The following SLC2A13 variants were observed in gnomAD, a reference collection of about 807,000 sequenced individuals.
SLC2A13 encodes the protein proton myo-inositol cotransporter.
SLC2A13 carries 32 observed loss-of-function variants against 64.4 expected under a neutral mutation model. That is an observed-to-expected ratio of 0.50 (90% CI 0.37 to 0.67). The LOEUF (loss-of-function observed/expected upper bound fraction) is 0.67, where lower values mean the gene tolerates loss of function less well. SLC2A13 is among the 30% of genes least tolerant of loss of function. SLC2A13 has a pLI of 0.00. For missense variants in SLC2A13, 743 were observed against 829.2 expected (o/e 0.90, Z 1.28); for synonymous variants, 338 against 327.1 (o/e 1.03, Z -0.36).
chr12:39,841,537 C>T lies in SLC2A13; in HGVS notation c.1320-11309G>A, dbSNP rs187234808. 3.6e-3 allele frequency among the ~76,000 whole-genome samples: 553 copies of T among 151,992 alleles called. 3 individuals carry two copies. Among genetic ancestry groups the T allele is most frequent in the Non-Finnish European group, 4.9e-3 (333 of 67,950 alleles). ...TTGTAATTTTGCATGTGTAAGATAACATGTATATAAATGTATATCTATATA... is the reference window on the plus strand; with the variant it reads ...TTGTAATTTTGCATGTGTAAGATAATATGTATATAAATGTATATCTATATA... On this transcript the variant is annotated intron_variant, in intron 6 of 9. Coordinates refer to ENST00000280871, the MANE Select transcript of SLC2A13 (RefSeq NM_052885.4).
intron 7 of SLC2A13, among the ~76,000 whole-genome samples, chr12:39,783,881 A>C (rs2135747538): frequency 6.6e-6 from 1 of 152,330 alleles, no homozygotes; most frequent in East Asian, 1.9e-4. Flanking sequence ...GAAAAGTCTC[A>C]GGATACAAAA....
chr12:39,872,631 C>A (rs1251713494), intron 4 of SLC2A13, among the ~76,000 whole-genome samples: 1 of 152,170 alleles, frequency 6.6e-6, no homozygotes, highest in Non-Finnish European at 1.5e-5. Context: ...TTTTAAAAGA[C>A]CATAATGCCA....
chr12:39,927,865 G>A (rs1241598697), intron 4 of SLC2A13, among the ~76,000 whole-genome samples: 1 of 152,062 alleles, frequency 6.6e-6, no homozygotes, highest in African/African-American at 2.4e-5. Flanking sequence ...TCCTGTGGAA[G>A]GAAAGCATTT....
chr12:40,105,627 A>C lies in SLC2A13; in HGVS notation c.182T>G (p.Val61Gly), dbSNP rs1001866247. ...CCGCGCCGCGCGCTCCAGGTCCCCG[A>C]CGCCGCCGCCGCCCGCGCCCGCGCT... The part of the protein sequence containing the change: ...LQSAGAGGGG[V>G]GDLERAARRQ... Residue 61 changes from valine to glycine, a missense_variant, in exon 1 of 10, where the codon GTC becomes GGC. By Grantham distance (109) the Val-to-Gly change is moderately radical. Coordinates refer to ENST00000280871, the MANE Select transcript of SLC2A13 (RefSeq NM_052885.4). This position sits in a 1 kb window ranked among gnomAD's most constrained non-coding sequence, Gnocchi z 4.2. 2 of 1,490,636 alleles carry C rather than the reference A, an allele frequency of 1.3e-6. No homozygotes were observed. Among genetic ancestry groups the C allele is most frequent in the Non-Finnish European group, 1.8e-6 (2 of 1,124,180 alleles). The allele number at this position is 1,490,636 out of a possible 1,614,324, so 92.3% of individuals were successfully genotyped here. A position where few individuals can be genotyped will look rare whatever the true frequency, so the allele number is the denominator to read the frequency against.
intron 1 of SLC2A13, among the ~76,000 whole-genome samples, chr12:40,089,507 T>C (rs763994942): frequency 3.9e-5 from 6 of 152,306 alleles, no homozygotes; most frequent in East Asian, 1.9e-4. Flanking sequence ...ATAAAGAAGC[T>C]TGAGAATTTT....
chr12:39,796,952 T>C lies in SLC2A13; in HGVS notation c.1446-32094A>G, dbSNP rs141099033. Among the ~76,000 whole-genome samples, 443 of 152,302 alleles carry C rather than the reference T, an allele frequency of 2.9e-3. 2 individuals carry two copies. Among genetic ancestry groups the C allele is most frequent in the African/African-American group, 0.01 (419 of 41,564 alleles). ...TGGACATTAAGTCTTTTAAAACATA[T>C]TGCCAAATATCCTATTAGAAAAATA... On this transcript the variant is annotated intron_variant, in intron 7 of 9. Transcript: ENST00000280871.
At chr12:39,924,174 G>T (rs1453793454) in intron 4 of SLC2A13, among the ~76,000 whole-genome samples, 1 of 151,582 alleles carries the variant, frequency 6.6e-6, no homozygotes, top group African/African-American at 2.4e-5. Flanking sequence ...CTATACTTTT[G>T]GCCTTCCAGA....
At chr12:40,013,688 C>T (rs1232975169) in intron 3 of SLC2A13, among the ~76,000 whole-genome samples, 1 of 152,210 alleles carries the variant, frequency 6.6e-6, no homozygotes, top group African/African-American at 2.4e-5. Context: ...AAAATCATTA[C>T]AATTTCCTTT....
intron 7 of SLC2A13, among the ~76,000 whole-genome samples, chr12:39,786,360 C>A (rs1000150442): frequency 8.4e-5 from 1 of 11,898 alleles, no homozygotes; most frequent in Non-Finnish European, 1.9e-4. Context: ...TAAGAAGTGT[C>A]TTTCATCTCC....
intron 3 of SLC2A13, among the ~76,000 whole-genome samples, chr12:39,960,323 T>C (rs1291825360): frequency 6.6e-6 from 1 of 152,238 alleles, no homozygotes; most frequent in African/African-American, 2.4e-5. Flanking sequence ...CACATTCTCT[T>C]GAGTTTTCTA....
In SLC2A13 at chr12:39,789,875, T is replaced by A. The variant is rs530286624; in HGVS notation, c.1446-25017A>T. On this transcript the variant is annotated intron_variant, in intron 7 of 9. Coordinates refer to ENST00000280871, the MANE Select transcript of SLC2A13 (RefSeq NM_052885.4). ...TGTCTATTCTTTCCCATTTTCCAAT[T>A]GGACAGTTTGCCTATTTCTGATTGG... Among the ~76,000 whole-genome samples, 3 of 152,248 alleles carry A rather than the reference T, an allele frequency of 2.0e-5. No homozygotes were observed. The South Asian group carries it at 6.2e-4, about 32-fold the overall frequency.
intron 4 of SLC2A13, among the ~76,000 whole-genome samples, chr12:39,929,643 G>T (rs747048949): frequency 2.0e-5 from 3 of 152,128 alleles, no homozygotes; most frequent in Non-Finnish European, 4.4e-5. Context: ...TCCCTCAGGG[G>T]GCAACCAGAT....
intron 2 of SLC2A13, among the ~76,000 whole-genome samples, chr12:40,041,148 C>T (rs563293281): frequency 3.3e-4 from 50 of 152,200 alleles, no homozygotes; most frequent in Non-Finnish European, 3.4e-4. Context: ...GACGGGGTTT[C>T]GCCATCTTGG....
chr12:39,907,045 C>T (rs143603823), intron 4 of SLC2A13, among the ~76,000 whole-genome samples: 144 of 152,118 alleles, frequency 9.5e-4, no homozygotes, highest in African/African-American at 3.4e-3. Context: ...CAAATTAACC[C>T]ATAAATCAAT....
At chr12:39,951,128 AAGG>A in intron 4 of SLC2A13, 126 bp downstream of exon 4, 1 of 698,866 alleles carries the variant, frequency 1.4e-6, no homozygotes, top group South Asian at 3.1e-5. Flanking sequence ...TATCTCCCAA[AAGG>A]AGAATTCATA....
At position 40,105,765 on chromosome 12, in the gene SLC2A13, C is replaced by G; in HGVS notation, c.44G>C (p.Ser15Thr). 6.7e-7 allele frequency: 1 copy of G among 1,490,580 alleles called. No individual in the cohort carries two copies. The highest frequency in any genetic ancestry group is 8.9e-7 in the Non-Finnish European group (1 of 1,120,714). The allele number at this position is 1,490,580 out of a possible 1,614,324, so 92.3% of individuals were successfully genotyped here. A position where few individuals can be genotyped will look rare whatever the true frequency, so the allele number is the denominator to read the frequency against. ...ASENVEYTLR[S>T]LSSLMGERRR... is the part of the protein sequence containing the mutation. ...CCGCTCGCCCATCAGGCTGCTCAGG[C>G]TCCGCAGCGTGTACTCCACATTCTC... Residue 15 changes from serine to threonine, a missense_variant, in exon 1 of 10, where the codon AGC (serine) becomes ACC (threonine). This residue lies in a region of SLC2A13 where 448 missense variants were observed against 447.4 expected (regional missense o/e 1.00). Coordinates refer to ENST00000280871, the MANE Select transcript of SLC2A13 (RefSeq NM_052885.4). This position sits in a 1 kb window ranked among gnomAD's most constrained non-coding sequence, Gnocchi z 4.2.
intron 6 of SLC2A13, among the ~76,000 whole-genome samples, chr12:39,832,048 C>T (rs1352719716): frequency 6.6e-6 from 1 of 152,028 alleles, no homozygotes; most frequent in African/African-American, 2.4e-5. Context: ...CCTGAGTCAC[C>T]CCTATTTTTG....
At chr12:39,833,833 T>C (rs1942929962) in intron 6 of SLC2A13, among the ~76,000 whole-genome samples, 2 of 150,048 alleles carry the variant, frequency 1.3e-5, no homozygotes, top group Non-Finnish European at 2.9e-5. Context: ...CTCCATAATA[T>C]GGCACCTTGG....
At chr12:40,022,124 T>C (rs1947729752) in intron 3 of SLC2A13, among the ~76,000 whole-genome samples, 1 of 152,196 alleles carries the variant, frequency 6.6e-6, no homozygotes, top group African/African-American at 2.4e-5. Flanking sequence ...AATCATGTTT[T>C]AAAATGAACT....
Sources: allele counts gnomAD v4.1 joint callset (sites outside exome capture counted in the v4.1 genomes callset), GRCh38; gene constraint gnomAD v4.1.1; regional missense constraint gnomAD v4.1.1; non-coding constraint Gnocchi (gnomAD v3.1); transcripts MANE v1.5; gene names NCBI Gene and HGNC (gene_info 2026-07-23, HGNC 2026-07-21).